Variants in DCDC2 observed in about 807,000 individuals in gnomAD.
DCDC2 encodes doublecortin domain-containing protein 2.
A neutral mutation model predicts 50.2 loss-of-function variants in DCDC2; 40 were observed. That is an observed-to-expected ratio of 0.80 (90% CI 0.62 to 1.04). The LOEUF (loss-of-function observed/expected upper bound fraction) is 1.04, where lower values mean the gene tolerates loss of function less well. DCDC2 is among the 50% of genes least tolerant of loss of function. The probability of loss-of-function intolerance (pLI) is 0.00; values close to 1 mark genes in which losing one functional copy is unlikely to be tolerated. For missense variants in DCDC2, 570 were observed against 581.9 expected (o/e 0.98, Z 0.21); for synonymous variants, 234 against 210.6 (o/e 1.11, Z -0.96).
At chr6:24,291,314 T>C (rs1260378523) in intron 4 of DCDC2, among the ~76,000 whole-genome samples, 1 of 152,178 alleles carries the variant, frequency 6.6e-6, no homozygotes, top group Non-Finnish European at 1.5e-5. Context: ...TATCTTGCTG[T>C]ACAGGGTTTC....
intron 5 of DCDC2, among the ~76,000 whole-genome samples, chr6:24,290,063 A>T (rs1003132225): frequency 7.7e-6 from 1 of 129,578 alleles, no homozygotes; most frequent in Admixed American, 9.7e-5. Flanking sequence ...GCGGGATCTC[A>T]GCTCACTGCA....
In DCDC2 at chr6:24,317,462, C is replaced by T. The variant is rs145483633; in HGVS notation, c.349-15418G>A. On this transcript the variant is annotated intron_variant, in intron 2 of 9. Coordinates refer to ENST00000378454, the MANE Select transcript of DCDC2 (RefSeq NM_016356.5). The stretch of plus-strand genomic sequence containing the variant: ...GGCATCTCTGGAAAAAGAGAAAATT[C>T]GATCCATATCTTATACTATAGACAA... 3.1e-3 allele frequency among the ~76,000 whole-genome samples: 469 copies of T among 152,026 alleles called. 2 individuals carry two copies. Among genetic ancestry groups the T allele is most frequent in the African/African-American group, 0.011 (438 of 41,508 alleles).
chr6:24,368,803 T>C, the DCDC2 span, among the ~76,000 whole-genome samples: 1 of 151,448 alleles, frequency 6.6e-6, no homozygotes, highest in African/African-American at 2.4e-5. Context: ...AATGACACTG[T>C]CTGATTGTGG....
At chr6:24,183,801 T>C (rs926516956) in intron 8 of DCDC2, among the ~76,000 whole-genome samples, 3 of 152,060 alleles carry the variant, frequency 2.0e-5, no homozygotes, top group Non-Finnish European at 4.4e-5. Flanking sequence ...GCAGGAAAGA[T>C]GCGTAAACAA....
chr6:24,193,817 T>C (rs867231119), intron 8 of DCDC2, among the ~76,000 whole-genome samples: 1 of 152,162 alleles, frequency 6.6e-6, no homozygotes, highest in African/African-American at 2.4e-5. Flanking sequence ...AATAATCATC[T>C]TCCATAGTAA....
chr6:24,326,029 T>A (rs1036734009), intron 2 of DCDC2, among the ~76,000 whole-genome samples: 1 of 148,024 alleles, frequency 6.8e-6, no homozygotes, highest in Non-Finnish European at 1.5e-5. Flanking sequence ...TATGTAGGAA[T>A]GCAGAATTAA....
chr6:24,270,103 C>A (rs1561751606), intron 7 of DCDC2, among the ~76,000 whole-genome samples: 1 of 152,160 alleles, frequency 6.6e-6, no homozygotes, highest in Non-Finnish European at 1.5e-5. Flanking sequence ...CAGGTCAAAA[C>A]ACACACACGA....
intron 7 of DCDC2, among the ~76,000 whole-genome samples, chr6:24,275,483 T>C (rs546376047): frequency 1.3e-5 from 2 of 152,298 alleles, no homozygotes; most frequent in South Asian, 4.1e-4. Context: ...ATGTTCTTTC[T>C]ATCCAAATGA....
At chr6:24,314,381 G>A (rs904152538) in intron 2 of DCDC2, among the ~76,000 whole-genome samples, 3 of 152,140 alleles carry the variant, frequency 2.0e-5, no homozygotes, top group Admixed American at 6.6e-5. Context: ...GCTGAGGTGG[G>A]AGGATTGCCT....
upstream of DCDC2, among the ~76,000 whole-genome samples, chr6:24,358,899 A>ATATTATATATT (rs1561788477): frequency 6.1e-4 from 13 of 21,478 alleles, no homozygotes; most frequent in African/African-American, 2.4e-3. Context: ...TTATATATAT[A>ATATTATATATT]ATATATTATA....
intron 8 of DCDC2, among the ~76,000 whole-genome samples, chr6:24,197,167 C>T (rs561832067): frequency 2.0e-5 from 3 of 152,238 alleles, no homozygotes; most frequent in Admixed American, 2.0e-4. Flanking sequence ...TCCTGCATAC[C>T]TGCATTTTGA....
chr6:24,359,595 T>G (rs576153729), upstream of DCDC2, among the ~76,000 whole-genome samples: 3 of 129,554 alleles, frequency 2.3e-5, no homozygotes, highest in South Asian at 6.6e-4. Context: ...ATTATATATA[T>G]TCAGAGAGAG....
chr6:24,209,081 GATATA>G, intron 7 of DCDC2, among the ~76,000 whole-genome samples: 1 of 152,268 alleles, frequency 6.6e-6, no homozygotes, highest in Non-Finnish European at 1.5e-5. Flanking sequence ...GAATCCGAAT[GATATA>G]ATAAGAATAT....
upstream of DCDC2, among the ~76,000 whole-genome samples, chr6:24,359,169 TTA>T (rs1158302280): frequency 1.3e-4 from 9 of 68,142 alleles, no homozygotes; most frequent in East Asian, 4.9e-4. Flanking sequence ...TTTATATATT[TTA>T]TATATATTTT....
chr6:24,305,496 A>AC (rs1759454084), intron 2 of DCDC2, among the ~76,000 whole-genome samples: 2 of 152,228 alleles, frequency 1.3e-5, no homozygotes, highest in Admixed American at 6.5e-5. Context: ...CAGTTTTTAT[A>AC]TAAAATGCAT....
At chr6:24,359,168 TTTATATATATTTTATATATTTTATATA>T (rs1373760873), upstream of DCDC2, among the ~76,000 whole-genome samples, 1 of 70,542 alleles carries the variant, frequency 1.4e-5, no homozygotes, top group Admixed American at 2.8e-4. Flanking sequence ...TTTTATATAT[TTTATATATATTTTATATATTTTATATA>T]TTATATATAT....
At chr6:24,208,491 C>T (rs1187790619) in intron 7 of DCDC2, among the ~76,000 whole-genome samples, 1 of 151,958 alleles carries the variant, frequency 6.6e-6, no homozygotes, top group Non-Finnish European at 1.5e-5. Context: ...CTGCCTCAGC[C>T]TCCCAAGTAG....
At chr6:24,356,320 C>T (rs527276541) in intron 1 of DCDC2, among the ~76,000 whole-genome samples, 31 of 152,194 alleles carry the variant, frequency 2.0e-4, no homozygotes, top group African/African-American at 7.0e-4. Context: ...AGACCATATA[C>T]CGTATGATTC....
chr6:24,297,383 A>C (rs964641736), intron 4 of DCDC2, among the ~76,000 whole-genome samples: 1 of 152,190 alleles, frequency 6.6e-6, no homozygotes, highest in Non-Finnish European at 1.5e-5. Flanking sequence ...CCTGGGTGAC[A>C]AAATAATCTG....
Sources: gnomAD v4.1 joint callset for allele counts (sites outside exome capture counted in the v4.1 genomes callset) on GRCh38, gnomAD v4.1.1 for gene constraint, MANE v1.5 for transcripts, NCBI Gene and HGNC (gene_info 2026-07-23, HGNC 2026-07-21) for gene names.